Variants in TBXT observed in about 807,000 individuals in gnomAD.
TBXT encodes the protein T brachyury transcription factor.
A neutral mutation model predicts 41.1 loss-of-function variants in TBXT; 19 were observed. The observed-to-expected ratio is 0.46, with a 90% CI of 0.32 to 0.68. The LOEUF (loss-of-function observed/expected upper bound fraction) is 0.68, where lower values mean the gene tolerates loss of function less well. TBXT is among the 30% of genes least tolerant of loss of function. The probability of loss-of-function intolerance (pLI) is 0.03; values close to 1 mark genes in which losing one functional copy is unlikely to be tolerated. For synonymous variants in TBXT, 213 were observed against 238.9 expected, an observed-to-expected ratio of 0.89 and a Z score of 1.00; for missense variants, 536 against 582.0, an observed-to-expected ratio of 0.92 and a Z score of 0.81.
chr6:166,167,674 C>T lies in TBXT; in HGVS notation c.-83G>A. The T allele has an allele frequency of 2.0e-6, 3 of 1,522,982 alleles. No homozygotes were observed. Among genetic ancestry groups the T allele is most frequent in the Admixed American group, 4.0e-5 (2 of 50,562 alleles). 94.3% of individuals were successfully genotyped at this position (1,522,982 alleles called of 1,614,324 possible). ...CCACCTTCCCTGCTCTTGGCCGCCG[C>T]CCTTCCGAGAAAAGGGGCCCCTTGG... On this transcript the variant is annotated 5_prime_UTR_variant, in exon 1 of 8. Transcript: ENST00000366876.
chr6:166,162,467 G>A lies in TBXT; in HGVS notation c.887C>T (p.Ala296Val). 6.2e-7 allele frequency: 1 copy of A among 1,614,190 alleles called. No homozygotes were observed. Among genetic ancestry groups the A allele is most frequent in the Non-Finnish European group, 8.5e-7 (1 of 1,180,034 alleles). ...CTCACTTGGAGAATTGTTCCGATGA[G>A]CATAGGGGCTGGGGTAGGGTGAGGA... is the stretch of plus-strand genomic sequence containing the variant. ...HRSSPYPSPY[A>V]HRNNSPTYSD... is the part of the protein sequence containing the mutation. The change falls in exon 6 of 8, where the codon GCT becomes GTT. Residue 296 changes from alanine (A) to valine (V), a missense_variant. Coordinates refer to ENST00000366876, the MANE Select transcript of TBXT (RefSeq NM_001366285.2).
chr6:166,167,632 G>A lies in TBXT; in HGVS notation c.-41C>T. 1.3e-6 allele frequency: 2 copies of A among 1,538,208 alleles called. No individual in the cohort carries two copies. The highest frequency in any genetic ancestry group is 8.7e-7 in the Non-Finnish European group (1 of 1,147,288). ...CCCTCCCCGCCGTCCCCGAAGCCCA[G>A]ACTCGCTACCTGAGATCCACCTTCC... On this transcript the variant is annotated 5_prime_UTR_variant, in exon 1 of 8. Transcript: ENST00000366876.
chr6:166,157,971 A>T lies in TBXT; in HGVS notation c.*344T>A, dbSNP rs2128520995. ...TGGAGTTTACAAATTCTGGTGTGCC[A>T]AAGTTGCCAATACACTGTATGAGAA... is the stretch of plus-strand genomic sequence containing the variant. On this transcript the variant is annotated 3_prime_UTR_variant, in exon 8 of 8. Coordinates refer to ENST00000366876, the MANE Select transcript of TBXT (RefSeq NM_001366285.2). The T allele has an allele frequency of 5.0e-6, 2 of 399,918 alleles. No homozygotes were observed. The highest frequency in any genetic ancestry group is 5.2e-5 in the South Asian group (2 of 38,618). 24.8% of individuals were successfully genotyped at this position (399,918 alleles called of 1,614,324 possible). A position where few individuals can be genotyped will look rare whatever the true frequency, so the allele number is the denominator to read the frequency against.
chr6:166,165,969 G>A (rs1397447657), intron 2 of TBXT, 129 bp from the exon 3 acceptor site: 4 of 1,408,750 alleles, frequency 2.8e-6, no homozygotes, highest in African/African-American at 2.8e-5. Flanking sequence ...AGGGAAGTGG[G>A]GTTCCACCAG....
In TBXT at chr6:166,167,733, C is replaced by A; in HGVS notation, c.-142G>T. 4 of 1,102,642 alleles carry A rather than the reference C, an allele frequency of 3.6e-6. No homozygotes were observed. Among genetic ancestry groups the A allele is most frequent in the Non-Finnish European group, 3.9e-6 (3 of 766,466 alleles). The allele number at this position is 1,102,642 out of a possible 1,614,324, so 68.3% of individuals were successfully genotyped here. A position where few individuals can be genotyped will look rare whatever the true frequency, so the allele number is the denominator to read the frequency against. ...CTGCGACGGCTCCCGGGTCCCGGGT[C>A]CCGGCACAGACCCGGGAGGAGGGCG... On this transcript the variant is annotated 5_prime_UTR_variant, in exon 1 of 8. Coordinates refer to ENST00000366876, the MANE Select transcript of TBXT (RefSeq NM_001366285.2).
chr6:166,167,824 C>A lies in TBXT; in HGVS notation c.-233G>T. 1 of 600,714 alleles carries A rather than the reference C, an allele frequency of 1.7e-6. No individual in the cohort carries two copies. Among genetic ancestry groups the A allele is most frequent in the Non-Finnish European group, 3.0e-6 (1 of 338,962 alleles). The allele number at this position is 600,714 out of a possible 1,614,324, so 37.2% of individuals were successfully genotyped here. On this transcript the variant is annotated 5_prime_UTR_variant, in exon 1 of 8. Coordinates refer to ENST00000366876, the MANE Select transcript of TBXT (RefSeq NM_001366285.2). ...GGGGAGAAGTTATTCCACTTGAACT[C>A]CCCAAGGCTCTACTAGTGTAGGTCT...
At chr6:166,167,915 C>T (rs1199075046), upstream of TBXT, 6 of 431,942 alleles carry the variant, frequency 1.4e-5, no homozygotes. Context: ...GGGTGCTCGG[C>T]GGATTGGGCC....
intron 5 of TBXT, among the ~76,000 whole-genome samples, chr6:166,163,108 G>T (rs1377636929): frequency 1.3e-5 from 2 of 152,164 alleles, no homozygotes; most frequent in Non-Finnish European, 2.9e-5. Context: ...TATTCCCCAA[G>T]GCAGGTGAGC....
chr6:166,162,354 T>G, intron 6 of TBXT, 93 bp downstream of exon 6: 1 of 1,443,814 alleles, frequency 6.9e-7, no homozygotes, highest in Non-Finnish European at 9.7e-7. Flanking sequence ...ACCGTCTCCA[T>G]TTTTTTAGAT....
chr6:166,168,335 C>A (rs988846002), upstream of TBXT: 1 of 152,302 alleles, frequency 6.6e-6, no homozygotes, highest in Admixed American at 6.5e-5. Context: ...CACCTGTCCC[C>A]GCTCCAGGCG....
chr6:166,168,150 G>A (rs1416319773), upstream of TBXT, among the ~76,000 whole-genome samples: 3 of 151,748 alleles, frequency 2.0e-5, no homozygotes, highest in Non-Finnish European at 2.9e-5. Flanking sequence ...CCCGGAGGAA[G>A]GTAAGCTGGA....
rs1431413517 is a variant in TBXT at position 166,167,391 on chromosome 6, G to A, written c.201C>T (p.Asn67=). Residue 67 remains asparagine, a synonymous_variant, in exon 1 of 8, where the codon AAC becomes AAT. Coordinates refer to ENST00000366876, the MANE Select transcript of TBXT (RefSeq NM_001366285.2). ...ELTNEMIVTK[N]GRRMFPVLKV... ...GGCTCCGGACGCGCACCCACCTGCC[G>A]TTCTTGGTCACGATCATCTCATTGG... The A allele has an allele frequency of 1.2e-6, 2 of 1,612,940 alleles. No individual in the cohort carries two copies.
At chr6:166,164,033 G>C (rs1779037055) in intron 5 of TBXT, among the ~76,000 whole-genome samples, 2 of 152,344 alleles carry the variant, frequency 1.3e-5, no homozygotes, top group Middle Eastern at 3.4e-3. Flanking sequence ...CCCGGGTGGA[G>C]AGGACGGACC....
At position 166,166,792 on chromosome 6, in the gene TBXT, G is replaced by A; in HGVS notation, c.271C>T (p.Leu91=). ...TTGTCCGCCGCCACGAAGTCCAGCA[G>A]GAAGGAGTACATGGCGTTGGGGTCC... The part of the protein sequence containing the change: ...GLDPNAMYSF[L]LDFVAADNHR... The change falls in exon 2 of 8, where the codon CTG becomes TTG. Residue 91 remains leucine (L), a synonymous_variant. Coordinates refer to ENST00000366876, the MANE Select transcript of TBXT (RefSeq NM_001366285.2). 6.2e-7 allele frequency: 1 copy of A among 1,613,932 alleles called. No individual in the cohort carries two copies. Among genetic ancestry groups the A allele is most frequent in the Non-Finnish European group, 8.5e-7 (1 of 1,180,044 alleles).
chr6:166,159,264 T>C (rs1778881685), intron 7 of TBXT, among the ~76,000 whole-genome samples: 1 of 152,228 alleles, frequency 6.6e-6, no homozygotes, highest in African/African-American at 2.4e-5. Flanking sequence ...AACCAAAAGT[T>C]ACTGAGGATG....
intron 6 of TBXT, 103 bp downstream of exon 6, chr6:166,162,344 A>C: frequency 2.2e-6 from 3 of 1,357,482 alleles, no homozygotes; most frequent in Non-Finnish European, 2.1e-6. Context: ...GTTCCAGAAA[A>C]CCGTCTCCAT....
At position 166,158,294 on chromosome 6, in the gene TBXT, C is replaced by T. The variant is rs373627873; in HGVS notation, c.*21G>A. The T allele has an allele frequency of 1.6e-4, 257 of 1,614,088 alleles. No individual in the cohort carries two copies. The highest frequency in any genetic ancestry group is 2.1e-4 in the Non-Finnish European group (246 of 1,180,044). ...CACGACAAAAAGTCACTGCATCTTT[C>T]GGGACCTGGGCCTTGCTGCTTCACA... On this transcript the variant is annotated 3_prime_UTR_variant, in exon 8 of 8. Transcript: ENST00000366876.
rs113680061 is a variant in TBXT at position 166,163,746 on chromosome 6, T to C, written c.730+859A>G. 3.2e-4 allele frequency among the ~76,000 whole-genome samples: 49 copies of C among 152,342 alleles called. No homozygotes were observed. The East Asian group carries it at 5.6e-3, about 17-fold the overall frequency. ...AAAAAGCAACCCCTAGCGGGACAAC[T>C]ACTGTGGCTTCAATTTCCAAACTAC... On this transcript the variant is annotated intron_variant, in intron 5 of 7. Coordinates refer to ENST00000366876, the MANE Select transcript of TBXT (RefSeq NM_001366285.2).
intron 6 of TBXT, among the ~76,000 whole-genome samples, chr6:166,161,561 G>GCCCCT (rs1778955012): frequency 6.6e-6 from 1 of 152,184 alleles, no homozygotes; most frequent in African/African-American, 2.4e-5. Flanking sequence ...ATTAGGCCAG[G>GCCCCT]GGATCTTTAT....
Sources: allele counts gnomAD v4.1 joint callset (sites outside exome capture counted in the v4.1 genomes callset), GRCh38; gene constraint gnomAD v4.1.1; transcripts MANE v1.5; gene names NCBI Gene and HGNC (gene_info 2026-07-23, HGNC 2026-07-21).